The following MTMR10 variants were observed in gnomAD, a reference collection of about 807,000 sequenced individuals.
MTMR10 encodes myotubularin related protein 10.
Under a neutral mutation model 88.1 loss-of-function variants are expected in MTMR10, and 56 were observed. The ratio of observed to expected loss-of-function variants is 0.64; its 90% CI spans 0.51 to 0.79. The LOEUF (loss-of-function observed/expected upper bound fraction) is 0.79, where lower values mean the gene tolerates loss of function less well. Among genes scored for constraint, MTMR10 ranks in the 30% least tolerant of loss-of-function variants. The pLI is 0.00. For synonymous variants in MTMR10, 380 were observed against 340.9 expected, an observed-to-expected ratio of 1.11 and a Z score of -1.26; for missense variants, 883 against 924.7, an observed-to-expected ratio of 0.95 and a Z score of 0.58.
the MTMR10 span, among the ~76,000 whole-genome samples, chr15:30,919,212 C>G: frequency 6.6e-6 from 1 of 151,670 alleles, no homozygotes; most frequent in African/African-American, 2.4e-5. Context: ...GAAACCTCGT[C>G]TCTACTAAAA....
At chr15:30,950,995 C>T (rs2955791) in intron 12 of MTMR10, among the ~76,000 whole-genome samples, 110,861 of 152,136 alleles carry the variant, frequency 0.73, 40,754 homozygotes, top group East Asian at 0.87. Context: ...ATGTTCATTA[C>T]GGCCAAAGCT....
At chr15:30,936,611 T>C (rs1426035885), downstream of MTMR10, among the ~76,000 whole-genome samples, 1 of 152,028 alleles carries the variant, frequency 6.6e-6, no homozygotes, top group African/African-American at 2.4e-5. Flanking sequence ...TCTCAACTTA[T>C]GATGGCCTTA....
intron 9 of MTMR10, among the ~76,000 whole-genome samples, chr15:30,955,529 C>T (rs1182040829): frequency 6.6e-6 from 1 of 152,006 alleles, no homozygotes; most frequent in Non-Finnish European, 1.5e-5. Context: ...CTTGGCCTCC[C>T]AAAGTGCTGG....
intron 5 of MTMR10, among the ~76,000 whole-genome samples, chr15:30,971,575 C>A (rs1477608933): frequency 6.6e-6 from 1 of 152,132 alleles, no homozygotes; most frequent in Non-Finnish European, 1.5e-5. Context: ...ATAAAGTATT[C>A]CTGAAGAAGT....
At chr15:30,955,283 CTTTTT>C (rs2063306674) in intron 9 of MTMR10, among the ~76,000 whole-genome samples, 1 of 152,174 alleles carries the variant, frequency 6.6e-6, no homozygotes, top group Admixed American at 6.5e-5. Flanking sequence ...CCTTCTTTTT[CTTTTT>C]GAGACGGAGT....
intron 3 of MTMR10, among the ~76,000 whole-genome samples, chr15:30,975,648 G>A (rs1232126709): frequency 6.6e-6 from 1 of 152,108 alleles, no homozygotes; most frequent in African/African-American, 2.4e-5. Flanking sequence ...GTATCTTTAA[G>A]TGCCTTAAAT....
intron 10 of MTMR10, 75 bp from the exon 11 acceptor site, chr15:30,953,706 AG>A (rs1193782903): frequency 1.1e-6 from 1 of 939,414 alleles, no homozygotes; most frequent in African/African-American, 1.7e-5. Context: ...GAGATACATC[AG>A]TTTCTAATAT....
intron 12 of MTMR10, 69 bp downstream of exon 12, chr15:30,951,899 G>T: frequency 7.8e-7 from 1 of 1,283,276 alleles, no homozygotes; most frequent in Non-Finnish European, 1.1e-6. Flanking sequence ...TTACTTGAAT[G>T]GGGACAAGCA....
intron 7 of MTMR10, among the ~76,000 whole-genome samples, chr15:30,959,829 T>C (rs76890002): frequency 7.9e-4 from 120 of 152,366 alleles, no homozygotes; most frequent in South Asian, 4.3e-3. Context: ...TCTAAAAAGC[T>C]GCTTATGTGC....
chr15:30,989,535 T>C (rs1595956082), intron 2 of MTMR10, among the ~76,000 whole-genome samples: 2 of 151,958 alleles, frequency 1.3e-5, no homozygotes, highest in Admixed American at 6.6e-5. Flanking sequence ...AAGTAATGAG[T>C]CAGATTTTGC....
At chr15:30,990,744 A>G (rs762655583) in intron 2 of MTMR10, 33 bp downstream of exon 2, 2 of 1,578,814 alleles carry the variant, frequency 1.3e-6, no homozygotes, top group Non-Finnish European at 8.7e-7. Flanking sequence ...ATACGTTGCT[A>G]AAGTATCTGT....
the MTMR10 span, chr15:30,929,457 C>A: frequency 5.3e-5 from 71 of 1,345,092 alleles, 2 homozygotes; most frequent in South Asian, 9.1e-4. Context: ...CCAGTGCTGT[C>A]TTTTCAGCAA....
At chr15:30,937,895 GT>G (rs1265201738), downstream of MTMR10, among the ~76,000 whole-genome samples, 1 of 151,934 alleles carries the variant, frequency 6.6e-6, no homozygotes, top group Non-Finnish European at 1.5e-5. Flanking sequence ...TTATAAAAAA[GT>G]AGTGGCTGGG....
At position 30,939,252 on chromosome 15, in the gene MTMR10, C is replaced by T; in HGVS notation, c.*2218G>A. 6 of 985,448 alleles carry T rather than the reference C, an allele frequency of 6.1e-6. No homozygotes were observed. The highest frequency in any genetic ancestry group is 7.2e-6 in the Non-Finnish European group (6 of 829,926). The allele number at this position is 985,448 out of a possible 1,614,324, so 61.0% of individuals were successfully genotyped here. A position where few individuals can be genotyped will look rare whatever the true frequency, so the allele number is the denominator to read the frequency against. Reference sequence around the variant, plus strand: ...TTTCCATCATAAAATAACAGCAAGACACTGTACACCTTTACGTTCAATACT... The same window carrying T: ...TTTCCATCATAAAATAACAGCAAGATACTGTACACCTTTACGTTCAATACT... On this transcript the variant is annotated 3_prime_UTR_variant, in exon 16 of 16. Coordinates refer to ENST00000435680, the MANE Select transcript of MTMR10 (RefSeq NM_017762.3).
intron 2 of MTMR10, among the ~76,000 whole-genome samples, chr15:30,978,765 T>C (rs1296574271): frequency 6.6e-6 from 1 of 152,194 alleles, no homozygotes; most frequent in Non-Finnish European, 1.5e-5. Flanking sequence ...GTGTTCTGAC[T>C]TCAATTCCCA....
chr15:30,991,590 G>T lies in MTMR10; in HGVS notation c.-84C>A, dbSNP rs769075861. 6 of 1,450,244 alleles carry T rather than the reference G, an allele frequency of 4.1e-6. No homozygotes were observed. The highest frequency in any genetic ancestry group is 3.0e-5 in the African/African-American group (2 of 66,592). 89.8% of individuals were successfully genotyped at this position (1,450,244 alleles called of 1,614,324 possible). On this transcript the variant is annotated 5_prime_UTR_variant, in exon 1 of 16. Transcript: ENST00000435680. ...CGGGCGTAAAGCTCTCAGTGCGGCC[G>T]CCCAGGCCCTTTCTGCGGCCAGCCG... is the stretch of plus-strand genomic sequence containing the variant.
chr15:30,959,720 A>G (rs2063375698), intron 7 of MTMR10, among the ~76,000 whole-genome samples: 2 of 152,264 alleles, frequency 1.3e-5, no homozygotes, highest in South Asian at 4.1e-4. Context: ...GAAGCAAAAG[A>G]TACAAGCTAC....
chr15:30,968,815 TC>T (rs2063503209), intron 5 of MTMR10, among the ~76,000 whole-genome samples: 1 of 152,108 alleles, frequency 6.6e-6, no homozygotes, highest in Admixed American at 6.6e-5. Context: ...TTGGAGGAGC[TC>T]CATATATAGA....
the MTMR10 span, chr15:30,928,353 G>A: frequency 7.5e-7 from 1 of 1,330,072 alleles, no homozygotes; most frequent in Non-Finnish European, 9.6e-7. Context: ...TGCCCTTAAG[G>A]CTCTGTATAT....
Sources: gnomAD v4.1 joint callset for allele counts (sites outside exome capture counted in the v4.1 genomes callset) on GRCh38, gnomAD v4.1.1 for gene constraint, MANE v1.5 for transcripts, NCBI Gene and HGNC (gene_info 2026-07-23, HGNC 2026-07-21) for gene names.